The following VIPR1 variants were observed in gnomAD, a reference collection of about 807,000 sequenced individuals.
VIPR1 encodes the protein vasoactive intestinal peptide receptor 1.
A neutral mutation model predicts 58.8 loss-of-function variants in VIPR1; 59 were observed. The ratio of observed to expected loss-of-function variants is 1.00; its 90% CI spans 0.81 to 1.25. VIPR1 has a LOEUF of 1.25. Among genes scored for constraint, VIPR1 ranks in the 50% most tolerant of loss-of-function variants. The pLI is 0.00. For synonymous variants in VIPR1, 251 were observed against 242.1 expected, an observed-to-expected ratio of 1.04 and a Z score of -0.34; for missense variants, 626 against 602.7, an observed-to-expected ratio of 1.04 and a Z score of -0.40.
chr3:42,536,135 G>T lies in VIPR1; in HGVS notation c.1228G>T (p.Gly410Cys). Residue 410 changes from glycine to cysteine, a missense_variant, in exon 13 of 13, where the codon GGC (glycine) becomes TGC (cysteine). Physicochemically the swap from Gly to Cys is radical, Grantham distance 159. Transcript: ENST00000325123. The part of the protein sequence containing the change: ...RRKWRRWHLQ[G>C]VLGWNPKYRH... ...GAAGTGGCGGCGCTGGCACCTGCAG[G>T]GCGTCCTGGGCTGGAACCCCAAATA... The T allele has an allele frequency of 6.2e-7, 1 of 1,605,890 alleles. No homozygotes were observed. The highest frequency in any genetic ancestry group is 8.5e-7 in the Non-Finnish European group (1 of 1,176,890).
At chr3:42,518,861 GAC>G (rs1700765094) in intron 2 of VIPR1, among the ~76,000 whole-genome samples, 1 of 152,220 alleles carries the variant, frequency 6.6e-6, no homozygotes, top group African/African-American at 2.4e-5. Flanking sequence ...CAGAATGTGA[GAC>G]AATTCATCAT....
At chr3:42,516,489 C>T (rs1700633569) in intron 2 of VIPR1, 1 of 152,368 alleles carries the variant, frequency 6.6e-6, no homozygotes, top group African/African-American at 2.4e-5. Flanking sequence ...TTCCTTGAGG[C>T]CAAGTGTGGC....
In VIPR1 at chr3:42,532,295, G is replaced by A; in HGVS notation, c.972G>A (p.Arg324=). The A allele has an allele frequency of 6.2e-7, 1 of 1,614,070 alleles. No homozygotes were observed. Among genetic ancestry groups the A allele is most frequent in the South Asian group, 1.1e-5 (1 of 91,080 alleles). ...CIIRILLQKL[R]PPDIRKSDSS... is the part of the protein sequence containing the mutation. ...TCCGAATCCTGCTTCAGAAACTGCG[G>A]CCCCCAGATATCAGGAAGAGTGACA... Residue 324 remains arginine (R), a synonymous_variant, in exon 10 of 13, where the codon CGG becomes CGA. Coordinates refer to ENST00000325123, the MANE Select transcript of VIPR1 (RefSeq NM_004624.4).
rs1254966993 is a variant in VIPR1, at chr3:42,536,977, T to TG, written c.*699dup. The TG allele has an allele frequency of 6.6e-6, 1 of 152,174 alleles. No homozygotes were observed. Among genetic ancestry groups the TG allele is most frequent in the African/African-American group, 2.4e-5 (1 of 41,430 alleles). 9.4% of individuals were successfully genotyped at this position (152,174 alleles called of 1,614,324 possible). On this transcript the variant is annotated 3_prime_UTR_variant, in exon 13 of 13. Coordinates refer to ENST00000325123, the MANE Select transcript of VIPR1 (RefSeq NM_004624.4). ...AAGGACTGAGGGACTCTGAAGCCTC[T>TG]GGGAAATGAGAAGGCAGCCACCAGC...
chr3:42,499,595 C>G (rs1699827813), upstream of VIPR1, among the ~76,000 whole-genome samples: 1 of 152,164 alleles, frequency 6.6e-6, no homozygotes, highest in African/African-American at 2.4e-5. Flanking sequence ...AGGGAGGAAT[C>G]CATGCAAGAA....
chr3:42,526,945 T>C (rs1348768320), intron 4 of VIPR1, among the ~76,000 whole-genome samples: 1 of 152,076 alleles, frequency 6.6e-6, no homozygotes, highest in Non-Finnish European at 1.5e-5. Flanking sequence ...TTCTTCGACA[T>C]CCCGCAACCT....
chr3:42,526,006 G>T lies in VIPR1; in HGVS notation c.399+13G>T, dbSNP rs1055862211. Reference sequence around the variant, plus strand: ...GAGTTTGGATGAGGTGGGTCTCAGGGCACCCCCACCTCACCTGCAGAGCGC... The same window carrying T: ...GAGTTTGGATGAGGTGGGTCTCAGGTCACCCCCACCTCACCTGCAGAGCGC... On this transcript the variant is annotated intron_variant, in intron 4 of 12. Coordinates refer to ENST00000325123, the MANE Select transcript of VIPR1 (RefSeq NM_004624.4). 5.0e-6 allele frequency: 8 copies of T among 1,604,008 alleles called. No homozygotes were observed. Among genetic ancestry groups the T allele is most frequent in the Non-Finnish European group, 6.8e-6 (8 of 1,174,972 alleles).
intron 1 of VIPR1, among the ~76,000 whole-genome samples, chr3:42,508,472 G>C (rs1700220666): frequency 6.6e-6 from 1 of 152,144 alleles, no homozygotes; most frequent in African/African-American, 2.4e-5. Flanking sequence ...TGGGACTTTA[G>C]ATATTTTTAA....
chr3:42,517,857 T>C (rs1700711797), intron 2 of VIPR1, among the ~76,000 whole-genome samples: 2 of 152,090 alleles, frequency 1.3e-5, no homozygotes, highest in Admixed American at 6.6e-5. Context: ...GCTCCTGTAA[T>C]CCCAGCTACT....
chr3:42,490,998 G>A (rs1559472740), intron 1 of VIPR1, among the ~76,000 whole-genome samples: 2 of 152,158 alleles, frequency 1.3e-5, no homozygotes, highest in African/African-American at 4.8e-5. Flanking sequence ...ACAGGATCTC[G>A]CTGATGTTTT....
At chr3:42,505,721 G>A (rs1876505) in intron 1 of VIPR1, among the ~76,000 whole-genome samples, 9,053 of 152,288 alleles carry the variant, frequency 0.059, 886 homozygotes, top group African/African-American at 0.21. Context: ...AGCCCAGGCT[G>A]GAAACAGGAG....
chr3:42,522,302 T>C (rs1700988759), intron 3 of VIPR1, among the ~76,000 whole-genome samples: 1 of 150,502 alleles, frequency 6.6e-6, no homozygotes, highest in African/African-American at 2.4e-5. Flanking sequence ...AGAGATGGGG[T>C]TTTACCATGT....
Position 42,536,278 on chromosome 3 carries a change from C to A in VIPR1, c.1371C>A (p.Val457=). 1 of 1,555,970 alleles carries A rather than the reference C, an allele frequency of 6.4e-7. No homozygotes were observed. The highest frequency in any genetic ancestry group is 8.6e-7 in the Non-Finnish European group (1 of 1,157,636). ...SSSFQAEVSL[V] ...GCTTCCAAGCCGAAGTCTCCCTGGT[C>A]TGACCACCAGGATCCCAGGGGCCCA... Residue 457 remains valine (V), a synonymous_variant, in exon 13 of 13, where the codon GTC becomes GTA. Transcript: ENST00000325123.
Position 42,525,945 on chromosome 3 carries a change from GTACCC to G in VIPR1, c.352_356del (p.Tyr118HisfsTer7). On this transcript the variant is annotated frameshift_variant, in exon 4 of 13. Transcript: ENST00000325123. LOFTEE classifies it high-confidence loss of function. ...GCTGGACGCACCTGGAGCCTGGCCC[GTACCC>G]CATTGCCTGTGGTTTGGATGACAAG... is the stretch of plus-strand genomic sequence containing the variant. 1 of 1,613,500 alleles carries G rather than the reference GTACCC, an allele frequency of 6.2e-7. No homozygotes were observed. Among genetic ancestry groups the G allele is most frequent in the Non-Finnish European group, 8.5e-7 (1 of 1,179,768 alleles).
chr3:42,527,677 T>A (rs1701305969), intron 5 of VIPR1, 181 bp downstream of exon 5: 1 of 664,898 alleles, frequency 1.5e-6, no homozygotes, highest in South Asian at 1.8e-5. Flanking sequence ...AGCTCTTCCA[T>A]GTGTTGCAGC....
chr3:42,533,770 G>C (rs1403695762), intron 10 of VIPR1: 1 of 152,316 alleles, frequency 6.6e-6, no homozygotes, highest in African/African-American at 2.4e-5. Flanking sequence ...CCGAAGAGGG[G>C]TGGGCATTGC....
At chr3:42,532,536 C>T in intron 10 of VIPR1, 2 of 622,740 alleles carry the variant, frequency 3.2e-6, no homozygotes, top group South Asian at 3.7e-5. Flanking sequence ...CACTCAGAGC[C>T]CTGCATGCTT....
chr3:42,497,965 C>G (rs1699798384), upstream of VIPR1, among the ~76,000 whole-genome samples: 1 of 152,192 alleles, frequency 6.6e-6, no homozygotes. Context: ...TGCTGACCCC[C>G]TGGACAAAAC....
intron 1 of VIPR1, chr3:42,512,781 C>T (rs1366100752): frequency 7.1e-6 from 7 of 985,354 alleles, no homozygotes; most frequent in African/African-American, 5.2e-5. Context: ...GTGGGGTTGC[C>T]GGGGCCAGCA....
Sources: allele counts gnomAD v4.1 joint callset (sites outside exome capture counted in the v4.1 genomes callset), GRCh38; gene constraint gnomAD v4.1.1; transcripts MANE v1.5; gene names NCBI Gene and HGNC (gene_info 2026-07-23, HGNC 2026-07-21).